MYO1D: variants seen among roughly 807,000 people sequenced by gnomAD.
MYO1D encodes myosin ID.
A neutral mutation model predicts 122.0 loss-of-function variants in MYO1D; 83 were observed. That is an observed-to-expected ratio of 0.68 (90% CI 0.57 to 0.82). The LOEUF is 0.82. Among genes scored for constraint, MYO1D ranks in the 40% least tolerant of loss-of-function variants. The pLI is 0.00. For missense variants in MYO1D, 1,157 were observed against 1,269.5 expected, an observed-to-expected ratio of 0.91 and a Z score of 1.35; for synonymous variants, 464 against 446.9, an observed-to-expected ratio of 1.04 and a Z score of -0.48.
intron 1 of MYO1D, among the ~76,000 whole-genome samples, chr17:32,796,187 G>T (rs1717383087): frequency 6.6e-6 from 1 of 152,054 alleles, no homozygotes; most frequent in South Asian, 2.1e-4. Context: ...ATTTAGAAAT[G>T]ATTTCCCATT....
intron 6 of MYO1D, among the ~76,000 whole-genome samples, chr17:32,768,614 T>C (rs2090084229): frequency 6.6e-6 from 1 of 152,164 alleles, no homozygotes; most frequent in South Asian, 2.1e-4. Flanking sequence ...TACAAGTTCC[T>C]CTAGTGTCCA....
intron 20 of MYO1D, among the ~76,000 whole-genome samples, chr17:32,625,844 T>C (rs1313062426): frequency 6.6e-6 from 1 of 152,174 alleles, no homozygotes; most frequent in African/African-American, 2.4e-5. Flanking sequence ...AACAGGATTT[T>C]AGTTTCATGT....
At chr17:32,534,813 G>A (rs551651719) in intron 21 of MYO1D, among the ~76,000 whole-genome samples, 1 of 152,208 alleles carries the variant, frequency 6.6e-6, no homozygotes, top group South Asian at 2.1e-4. Flanking sequence ...GAGACCAGCT[G>A]GAGGGCCACA....
chr17:32,638,569 T>C (rs1477781587), intron 20 of MYO1D, among the ~76,000 whole-genome samples, 153 bp downstream of exon 20: 3 of 152,230 alleles, frequency 2.0e-5, no homozygotes, highest in African/African-American at 7.2e-5. Flanking sequence ...TAGAAAACTG[T>C]ACATTTCTAC....
At chr17:32,532,672 G>A (rs1910544697) in intron 21 of MYO1D, among the ~76,000 whole-genome samples, 1 of 143,124 alleles carries the variant, frequency 7.0e-6, no homozygotes, top group African/African-American at 2.6e-5. Context: ...CTTGGAGTAA[G>A]CCGAGATTGC....
chr17:32,515,071 C>A (rs188578504), intron 21 of MYO1D, among the ~76,000 whole-genome samples: 1 of 152,136 alleles, frequency 6.6e-6, no homozygotes, highest in Non-Finnish European at 1.5e-5. Flanking sequence ...TGCCTGGCAT[C>A]GAGTAAGTGC....
chr17:32,599,893 T>TC (rs1296183331), intron 21 of MYO1D, among the ~76,000 whole-genome samples: 2 of 152,240 alleles, frequency 1.3e-5, no homozygotes, highest in Non-Finnish European at 2.9e-5. Context: ...CCTCAGGTGA[T>TC]CAGCCCACCT....
intron 1 of MYO1D, among the ~76,000 whole-genome samples, chr17:32,809,084 G>A (rs954553351): frequency 1.3e-5 from 2 of 150,678 alleles, no homozygotes; most frequent in Admixed American, 1.3e-4. Flanking sequence ...GAAAATGCCT[G>A]CTCTCCCACA....
chr17:32,572,397 C>T (rs1034033299), intron 21 of MYO1D, among the ~76,000 whole-genome samples: 2 of 152,184 alleles, frequency 1.3e-5, no homozygotes, highest in Admixed American at 6.5e-5. Context: ...GCTCCAGCCA[C>T]AAACAAATCC....
At chr17:32,651,778 C>G (rs906428910) in intron 19 of MYO1D, among the ~76,000 whole-genome samples, 2 of 150,934 alleles carry the variant, frequency 1.3e-5, no homozygotes, top group East Asian at 3.9e-4. Flanking sequence ...CGGGTTCAAG[C>G]AATTCTCCTG....
In MYO1D at chr17:32,605,233, A is replaced by G. The variant is rs747326905; in HGVS notation, c.2718T>C (p.Gly906=). The change falls in exon 21 of 22, where the codon GGT becomes GGC. Residue 906 remains glycine (G), a synonymous_variant. Coordinates refer to ENST00000318217, the MANE Select transcript of MYO1D (RefSeq NM_015194.3). ...MKTIPLYNLT[G]LSVSNGKDQL... ...GGTCCTTTCCATTGGAGACACTCAG[A>G]CCAGTCAACTGCAAAGAGAAAATGC... 5 of 1,555,990 alleles carry G rather than the reference A, an allele frequency of 3.2e-6. No individual in the cohort carries two copies. Among genetic ancestry groups the G allele is most frequent in the South Asian group, 1.2e-5 (1 of 83,060 alleles).
intron 16 of MYO1D, among the ~76,000 whole-genome samples, chr17:32,664,960 A>T (rs998780373): frequency 6.6e-6 from 1 of 151,796 alleles, no homozygotes; most frequent in African/African-American, 2.4e-5. Context: ...TCCCCACCTC[A>T]TCTCCCGCTG....
rs1909990105 is a variant in MYO1D, at chr17:32,518,791, T to G, written c.2865-23876A>C. The G allele has an allele frequency of 2.0e-5, 3 of 152,358 alleles. No individual in the cohort carries two copies. The South Asian group carries it at 6.2e-4, about 32-fold the overall frequency. 9.4% of individuals were successfully genotyped at this position (152,358 alleles called of 1,614,324 possible). On this transcript the variant is annotated intron_variant, in intron 21 of 21. Coordinates refer to ENST00000318217, the MANE Select transcript of MYO1D (RefSeq NM_015194.3). ...ATCCCCAGCACTCTTCATCACCAGG[T>G]GACCGTGAATGCTAACAGCAGCACA... is the stretch of plus-strand genomic sequence containing the variant.
At chr17:32,779,523 G>C (rs947438497) in intron 2 of MYO1D, among the ~76,000 whole-genome samples, 4 of 151,342 alleles carry the variant, frequency 2.6e-5, no homozygotes, top group Admixed American at 2.6e-4. Flanking sequence ...AATTATGACT[G>C]TATTTGTTTG....
intron 21 of MYO1D, among the ~76,000 whole-genome samples, chr17:32,522,031 G>A (rs1910157771): frequency 7.6e-6 from 1 of 130,982 alleles, no homozygotes; most frequent in Non-Finnish European, 1.6e-5. Context: ...GCAGTGGGCT[G>A]AGATCATGCC....
At chr17:32,631,468 C>A (rs573174421) in intron 20 of MYO1D, among the ~76,000 whole-genome samples, 30 of 152,160 alleles carry the variant, frequency 2.0e-4, no homozygotes, top group African/African-American at 7.2e-4. Flanking sequence ...CAACGTGAGA[C>A]CCTGTCTCTA....
At chr17:32,580,807 A>G (rs753369176) in intron 21 of MYO1D, among the ~76,000 whole-genome samples, 29 of 152,104 alleles carry the variant, frequency 1.9e-4, no homozygotes, top group Non-Finnish European at 2.6e-4. Context: ...CTTTTTATAT[A>G]TTGTTGGATT....
At chr17:32,701,585 C>G (rs150908760) in intron 16 of MYO1D, among the ~76,000 whole-genome samples, 39 of 151,912 alleles carry the variant, frequency 2.6e-4, no homozygotes, top group African/African-American at 9.4e-4. Flanking sequence ...TTTTTAGAGA[C>G]AGGGTCACAC....
intron 1 of MYO1D, among the ~76,000 whole-genome samples, chr17:32,827,223 T>C (rs2090730340): frequency 6.6e-6 from 1 of 152,218 alleles, no homozygotes; most frequent in Non-Finnish European, 1.5e-5. Flanking sequence ...AGGAAAGACA[T>C]TCTGACACAT....
Sources: allele counts gnomAD v4.1 joint callset (sites outside exome capture counted in the v4.1 genomes callset), GRCh38; gene constraint gnomAD v4.1.1; transcripts MANE v1.5; gene names NCBI Gene and HGNC (gene_info 2026-07-23, HGNC 2026-07-21).